Variants in RSRC1 observed in about 807,000 individuals in gnomAD.
RSRC1 encodes the protein arginine and serine rich coiled-coil 1.
Under a neutral mutation model 49.1 loss-of-function variants are expected in RSRC1, and 39 were observed. The ratio of observed to expected loss-of-function variants is 0.79; its 90% CI spans 0.61 to 1.04. The LOEUF (loss-of-function observed/expected upper bound fraction) is 1.04, where lower values mean the gene tolerates loss of function less well. Among genes scored for constraint, RSRC1 ranks in the 50% least tolerant of loss-of-function variants. The pLI is 0.00. For synonymous variants in RSRC1, 143 were observed against 130.8 expected, an observed-to-expected ratio of 1.09 and a Z score of -0.63; for missense variants, 388 against 402.4, an observed-to-expected ratio of 0.96 and a Z score of 0.31.
intron 4 of RSRC1, among the ~76,000 whole-genome samples, chr3:158,212,962 C>T (rs1035478618): frequency 2.6e-5 from 4 of 151,902 alleles, no homozygotes; most frequent in African/African-American, 9.7e-5. Flanking sequence ...GCTTTCTCCC[C>T]AGTCTAGTGA....
At chr3:158,252,747 G>T (rs1724293927) in intron 4 of RSRC1, among the ~76,000 whole-genome samples, 1 of 152,058 alleles carries the variant, frequency 6.6e-6, no homozygotes, top group Admixed American at 6.6e-5. Context: ...TTTTTATTAT[G>T]ATTTTGATCT....
intron 4 of RSRC1, among the ~76,000 whole-genome samples, chr3:158,290,167 G>A (rs1365634533): frequency 1.3e-5 from 2 of 152,064 alleles, no homozygotes; most frequent in East Asian, 3.8e-4. Context: ...TGATTATCTT[G>A]TTAATCTGAT....
intron 6 of RSRC1, among the ~76,000 whole-genome samples, chr3:158,366,084 C>A (rs1731752487): frequency 6.6e-6 from 1 of 152,114 alleles, no homozygotes; most frequent in African/African-American, 2.4e-5. Context: ...AATTTTCTCC[C>A]ATTCTGTAGG....
At chr3:158,265,776 G>A (rs1267695994) in intron 4 of RSRC1, among the ~76,000 whole-genome samples, 3 of 152,084 alleles carry the variant, frequency 2.0e-5, no homozygotes, top group East Asian at 1.9e-4. Flanking sequence ...CATTCTTAAT[G>A]TTTGCTAAAA....
At chr3:158,272,181 T>C (rs1409180942) in intron 4 of RSRC1, among the ~76,000 whole-genome samples, 1 of 152,094 alleles carries the variant, frequency 6.6e-6, no homozygotes, top group African/African-American at 2.4e-5. Context: ...GCCCCGTGGA[T>C]TTTTTCCCTG....
intron 7 of RSRC1, among the ~76,000 whole-genome samples, chr3:158,479,463 G>T (rs1358974879): frequency 6.6e-6 from 1 of 151,628 alleles, no homozygotes. Context: ...AATGAGTTTG[G>T]TTTAACATAT....
chr3:158,474,085 A>G (rs1266776289), intron 7 of RSRC1, among the ~76,000 whole-genome samples: 2 of 152,120 alleles, frequency 1.3e-5, no homozygotes, highest in Non-Finnish European at 2.9e-5. Flanking sequence ...TTGTAGCACT[A>G]TTTTTCAACA....
chr3:158,132,791 A>C (rs550629238), intron 3 of RSRC1, among the ~76,000 whole-genome samples: 2 of 152,300 alleles, frequency 1.3e-5, no homozygotes, highest in East Asian at 1.9e-4. Context: ...TCAATGAACA[A>C]AGTCAGATCC....
chr3:158,381,166 G>GA (rs1317547372), intron 6 of RSRC1, among the ~76,000 whole-genome samples: 1 of 152,106 alleles, frequency 6.6e-6, no homozygotes, highest in Non-Finnish European at 1.5e-5. Context: ...TTAAACACAT[G>GA]AACACTTACA....
intron 7 of RSRC1, among the ~76,000 whole-genome samples, chr3:158,517,596 CTTTTT>C: frequency 6.9e-6 from 1 of 144,116 alleles, no homozygotes; most frequent in South Asian, 2.2e-4. Flanking sequence ...TTTTGTTAGA[CTTTTT>C]TTTTTTTTAG....
chr3:158,366,242 A>G (rs1408158706), intron 6 of RSRC1, among the ~76,000 whole-genome samples: 1 of 152,070 alleles, frequency 6.6e-6, no homozygotes, highest in African/African-American at 2.4e-5. Flanking sequence ...CCTGAATGGT[A>G]TTGCCTAGGT....
intron 6 of RSRC1, among the ~76,000 whole-genome samples, chr3:158,429,350 G>C (rs906310399): frequency 1.3e-5 from 2 of 148,478 alleles, no homozygotes; most frequent in Admixed American, 6.8e-5. Flanking sequence ...ACGTTTTGGA[G>C]TGTGAAAAAC....
At chr3:158,130,162 A>C (rs1715921472) in intron 3 of RSRC1, among the ~76,000 whole-genome samples, 1 of 152,070 alleles carries the variant, frequency 6.6e-6, no homozygotes, top group Non-Finnish European at 1.5e-5. Context: ...TACATTTTGG[A>C]GATCATAGAG....
intron 6 of RSRC1, among the ~76,000 whole-genome samples, chr3:158,380,235 G>T (rs1732628390): frequency 6.6e-6 from 1 of 152,144 alleles, no homozygotes; most frequent in Non-Finnish European, 1.5e-5. Flanking sequence ...TTTCAAAAAT[G>T]TAAAATAGCT....
chr3:158,229,403 C>T (rs1410259809), intron 4 of RSRC1, among the ~76,000 whole-genome samples: 39 of 127,268 alleles, frequency 3.1e-4, no homozygotes, highest in Middle Eastern at 4.6e-3. Flanking sequence ...TATACACATA[C>T]ACACGTATAT....
At chr3:158,181,142 A>G (rs1389420963) in intron 3 of RSRC1, among the ~76,000 whole-genome samples, 2 of 152,278 alleles carry the variant, frequency 1.3e-5, no homozygotes, top group East Asian at 1.9e-4. Flanking sequence ...TAACTGATAC[A>G]TGGCTAGGGA....
At chr3:158,529,631 T>C (rs892177271) in intron 7 of RSRC1, among the ~76,000 whole-genome samples, 1 of 152,016 alleles carries the variant, frequency 6.6e-6, no homozygotes, top group Non-Finnish European at 1.5e-5. Context: ...ACAGCTCATC[T>C]GGCCTTCTAA....
intron 4 of RSRC1, among the ~76,000 whole-genome samples, chr3:158,243,996 A>G (rs181214372): frequency 2.2e-3 from 327 of 147,880 alleles, no homozygotes; most frequent in Non-Finnish European, 3.6e-3. Context: ...ATCTGCAAGC[A>G]AAGATAGTTT....
At chr3:158,385,425 C>T (rs1485962948) in intron 6 of RSRC1, among the ~76,000 whole-genome samples, 3 of 152,162 alleles carry the variant, frequency 2.0e-5, no homozygotes, top group Admixed American at 6.6e-5. Flanking sequence ...GGAGTGACTA[C>T]CTCTGCCTGA....
Sources: gnomAD v4.1 joint callset for allele counts (sites outside exome capture counted in the v4.1 genomes callset) on GRCh38, gnomAD v4.1.1 for gene constraint, MANE v1.5 for transcripts, NCBI Gene and HGNC (gene_info 2026-07-23, HGNC 2026-07-21) for gene names.